OR1D2: variants seen among roughly 807,000 people sequenced by gnomAD.
The protein encoded by OR1D2 is olfactory receptor 1D2.
For missense variants in OR1D2, 357 were observed against 376.1 expected (o/e 0.95, Z 0.42); for synonymous variants, 157 against 153.9 (o/e 1.02, Z -0.15).
chr17:3,092,368 G>T lies in OR1D2; in HGVS notation c.629C>A (p.Pro210His). ...ATAGGAAATGATCACGAATCCAAAG[G>T]GAATGAGGAAGATGAAGCAGCCTGT... ...IATGCFIFLIPFGFVIISYVL... is the reference protein window; with the variant it reads ...IATGCFIFLIHFGFVIISYVL... The change falls in exon 2 of 2, where the codon CCC (proline) becomes CAC (histidine). Residue 210 changes from proline to histidine, a missense_variant. Pro to His is a moderately conservative substitution (Grantham distance 77, BLOSUM62 -2). Transcript: ENST00000641833. 2 of 1,614,146 alleles carry T rather than the reference G, an allele frequency of 1.2e-6. No individual in the cohort carries two copies. The highest frequency in any genetic ancestry group is 1.7e-6 in the Non-Finnish European group (2 of 1,180,026).
rs1019535627 is a variant in OR1D2, at chr17:3,089,886, G to A, written c.*2172C>T. ...TCCAAGTGGCCATGTCACTCCCAAT[G>A]TGCCCTACCCCTAACAGTGCTGAGT... On this transcript the variant is annotated 3_prime_UTR_variant, in exon 2 of 2. Coordinates refer to ENST00000641833, the MANE Select transcript of OR1D2 (RefSeq NM_002548.3). 4 of 152,232 alleles carry A rather than the reference G, an allele frequency of 2.6e-5. No homozygotes were observed. The highest frequency in any genetic ancestry group is 9.7e-5 in the African/African-American group (4 of 41,438). The allele number at this position is 152,232 out of a possible 1,614,324, so 9.4% of individuals were successfully genotyped here.
At chr17:3,093,973 T>C (rs550021023) in intron 1 of OR1D2, among the ~76,000 whole-genome samples, 21 of 152,298 alleles carry the variant, frequency 1.4e-4, no homozygotes, top group Non-Finnish European at 1.6e-4. Flanking sequence ...AATATAAGCA[T>C]GTAGATAAGC....
rs903564824 is a variant in OR1D2 at position 3,089,707 on chromosome 17, C to T, written c.*2351G>A. ...GAGCTCCGACTCTCCTTCGGTGGGG[C>T]TTGCTGTGGCCACTGTGAGGGATGG... On this transcript the variant is annotated 3_prime_UTR_variant, in exon 2 of 2. Coordinates refer to ENST00000641833, the MANE Select transcript of OR1D2 (RefSeq NM_002548.3). 1 of 152,378 alleles carries T rather than the reference C, an allele frequency of 6.6e-6. No individual in the cohort carries two copies. Among genetic ancestry groups the T allele is most frequent in the African/African-American group, 2.4e-5 (1 of 41,438 alleles). 9.4% of individuals were successfully genotyped at this position (152,378 alleles called of 1,614,324 possible).
Position 3,092,129 on chromosome 17 carries a change from T to C in OR1D2, c.868A>G (p.Ser290Gly). The change falls in exon 2 of 2, where the codon AGC becomes GGC. Residue 290 changes from serine to glycine, a missense_variant. By Grantham distance (56) the Ser-to-Gly change is moderately conservative. Transcript: ENST00000641833. Reference protein sequence around the residue: ...VTPMMNPFIYSLRNKDMHGAL... With the variant: ...VTPMMNPFIYGLRNKDMHGAL... ...CCATGCATGTCCTTGTTCCTCAGGCTGTAGATGAAGGGATTCATCATGGGT... is the reference window on the plus strand; with the variant it reads ...CCATGCATGTCCTTGTTCCTCAGGCCGTAGATGAAGGGATTCATCATGGGT... 1 of 1,614,168 alleles carries C rather than the reference T, an allele frequency of 6.2e-7. No individual in the cohort carries two copies. Among genetic ancestry groups the C allele is most frequent in the Non-Finnish European group, 8.5e-7 (1 of 1,180,022 alleles).
At chr17:3,098,317 C>G (rs1217606417) in intron 1 of OR1D2, among the ~76,000 whole-genome samples, 1 of 152,152 alleles carries the variant, frequency 6.6e-6, no homozygotes, top group Non-Finnish European at 1.5e-5. Flanking sequence ...CAAGGAGGAG[C>G]AGGCACCCAT....
In OR1D2 at chr17:3,093,059, A is replaced by G. The variant is rs1567948098; in HGVS notation, c.-50-13T>C. 10 of 1,448,840 alleles carry G rather than the reference A, an allele frequency of 6.9e-6. No homozygotes were observed. The East Asian group carries it at 1.8e-4, about 26-fold the overall frequency. The allele number at this position is 1,448,840 out of a possible 1,614,324, so 89.7% of individuals were successfully genotyped here. A position where few individuals can be genotyped will look rare whatever the true frequency, so the allele number is the denominator to read the frequency against. ...TTTACCAAAAGTCCTTAATTGAATA[A>G]AAACATGAAGATAAGCAAAATCAAC... On this transcript the variant is annotated splice_polypyrimidine_tract_variant and intron_variant, in intron 1 of 1. Coordinates refer to ENST00000641833, the MANE Select transcript of OR1D2 (RefSeq NM_002548.3).
intron 1 of OR1D2, among the ~76,000 whole-genome samples, chr17:3,097,181 G>A (rs367739981): frequency 2.6e-4 from 40 of 152,266 alleles, no homozygotes; most frequent in South Asian, 6.2e-4. Flanking sequence ...GTTTGTGTGC[G>A]TAGAGGTGTT....
At chr17:3,096,335 A>C (rs1199497372) in intron 1 of OR1D2, among the ~76,000 whole-genome samples, 1 of 152,268 alleles carries the variant, frequency 6.6e-6, no homozygotes, top group African/African-American at 2.4e-5. Context: ...CATTCTACAG[A>C]AAACCTACTT....
chr17:3,097,163 A>G (rs1383741914), intron 1 of OR1D2, among the ~76,000 whole-genome samples: 4 of 152,204 alleles, frequency 2.6e-5, no homozygotes. Context: ...TGTCTGTTAA[A>G]TGTTCTAGTT....
chr17:3,097,258 T>A (rs557479104), intron 1 of OR1D2, among the ~76,000 whole-genome samples: 1 of 152,254 alleles, frequency 6.6e-6, no homozygotes, highest in African/African-American at 2.4e-5. Flanking sequence ...TTAAAAAAAC[T>A]TGAAAGCATT....
In OR1D2 at chr17:3,090,204, T is replaced by C. The variant is rs2047798182; in HGVS notation, c.*1854A>G. The C allele has an allele frequency of 6.6e-6, 1 of 152,250 alleles. No homozygotes were observed. Among genetic ancestry groups the C allele is most frequent in the African/African-American group, 2.4e-5 (1 of 41,468 alleles). 9.4% of individuals were successfully genotyped at this position (152,250 alleles called of 1,614,324 possible). On this transcript the variant is annotated 3_prime_UTR_variant, in exon 2 of 2. Transcript: ENST00000641833. Reference sequence around the variant, plus strand: ...TTTCAAATGACCTGTTTTTGAGTAGTGAATTCTTTCTTCTGTTTCTTCATA... The same window carrying C: ...TTTCAAATGACCTGTTTTTGAGTAGCGAATTCTTTCTTCTGTTTCTTCATA...
chr17:3,094,010 CAG>C (rs2047830088), intron 1 of OR1D2, among the ~76,000 whole-genome samples: 2 of 152,016 alleles, frequency 1.3e-5, no homozygotes, highest in Admixed American at 1.3e-4. Context: ...AAAAGAATAA[CAG>C]GGTGATGCTT....
chr17:3,092,654 G>A lies in OR1D2; in HGVS notation c.343C>T (p.Leu115=), dbSNP rs1360265202. 3.7e-6 allele frequency: 6 copies of A among 1,614,120 alleles called. No individual in the cohort carries two copies. Among genetic ancestry groups the A allele is most frequent in the Non-Finnish European group, 5.1e-6 (6 of 1,180,020 alleles). Reference sequence around the variant, plus strand: ...TAGCGGTCATATGCCATCACAGCCAGGATGAGGTTGTCCAGGGCCACCAAG... The same window carrying A: ...TAGCGGTCATATGCCATCACAGCCAAGATGAGGTTGTCCAGGGCCACCAAG... ...VSLVALDNLI[L]AVMAYDRYVA... is the part of the protein sequence containing the mutation. Residue 115 remains leucine, a synonymous_variant, in exon 2 of 2, where the codon CTG becomes TTG. Transcript: ENST00000641833.
rs773089919 is a variant in OR1D2 at position 3,092,843 on chromosome 17, C to G, written c.154G>C (p.Asp52His). The G allele has an allele frequency of 6.2e-7, 1 of 1,614,096 alleles. No homozygotes were observed. Among genetic ancestry groups the G allele is most frequent in the Non-Finnish European group, 8.5e-7 (1 of 1,180,024 alleles). ...NVLIILAISS[D>H]SRLHTPVYFF... ...TACACGGGGGTGTGCAGGCGGGAAT[C>G]AGAGCTGATGGCCAGGATGATGAGC... The change falls in exon 2 of 2, where the codon GAT becomes CAT. Residue 52 changes from aspartate to histidine, a missense_variant. Asp to His is a moderately conservative substitution (Grantham distance 81). Transcript: ENST00000641833.
rs2047811560 is a variant in OR1D2 at position 3,091,915 on chromosome 17, C to CT, written c.*142dup. The CT allele has an allele frequency of 7.5e-6, 5 of 662,744 alleles. No individual in the cohort carries two copies. Among genetic ancestry groups the CT allele is most frequent in the East Asian group, 2.7e-5 (1 of 36,854 alleles). 41.1% of individuals were successfully genotyped at this position (662,744 alleles called of 1,614,324 possible). On this transcript the variant is annotated 3_prime_UTR_variant, in exon 2 of 2. Coordinates refer to ENST00000641833, the MANE Select transcript of OR1D2 (RefSeq NM_002548.3). ...GGGGGACACCAGGTTACAAATATGT[C>CT]TTTTTTATCACCACATATCTATATG...
chr17:3,099,065 A>G (rs560135459), intron 1 of OR1D2, among the ~76,000 whole-genome samples: 1 of 152,212 alleles, frequency 6.6e-6, no homozygotes, highest in Non-Finnish European at 1.5e-5. Context: ...GGAGTACCTG[A>G]AGGAGACAGG....
intron 1 of OR1D2, among the ~76,000 whole-genome samples, chr17:3,094,784 A>G (rs539738642): frequency 6.6e-6 from 1 of 152,282 alleles, no homozygotes; most frequent in African/African-American, 2.4e-5. Flanking sequence ...AGGAAGGTAC[A>G]GTGAGAATGT....
chr17:3,093,120 T>G (rs2047826108), intron 1 of OR1D2, 74 bp from the exon 2 acceptor site: 1 of 892,096 alleles, frequency 1.1e-6, no homozygotes, highest in African/African-American at 1.7e-5. Context: ...ACACCCAATT[T>G]TATAATTTTT....
intron 1 of OR1D2, among the ~76,000 whole-genome samples, chr17:3,098,829 A>C (rs4603593): frequency 0.063 from 9,629 of 152,256 alleles, 415 homozygotes; most frequent in Admixed American, 0.16. Context: ...TTAGAGACGA[A>C]CATAAATGAC....
Sources: gnomAD v4.1 joint callset for allele counts (sites outside exome capture counted in the v4.1 genomes callset) on GRCh38, gnomAD v4.1.1 for gene constraint, MANE v1.5 for transcripts, NCBI Gene and HGNC (gene_info 2026-07-23, HGNC 2026-07-21) for gene names.